The following RNF150 variants were observed in gnomAD, a reference collection of about 807,000 sequenced individuals.
The protein encoded by RNF150 is ring finger protein 150.
A neutral mutation model predicts 39.3 loss-of-function variants in RNF150; 24 were observed. The observed-to-expected ratio is 0.61, with a 90% CI of 0.44 to 0.86. The LOEUF is 0.86. Among genes scored for constraint, RNF150 ranks in the 40% least tolerant of loss-of-function variants. RNF150 has a pLI of 0.00. For missense variants in RNF150, 502 were observed against 587.8 expected, an observed-to-expected ratio of 0.85 and a Z score of 1.51; for synonymous variants, 255 against 227.3, an observed-to-expected ratio of 1.12 and a Z score of -1.10.
At chr4:141,072,191 A>T (rs4482847) in intron 1 of RNF150, among the ~76,000 whole-genome samples, 1 of 152,024 alleles carries the variant, frequency 6.6e-6, no homozygotes. Flanking sequence ...CAGCATCACA[A>T]GAACTATTGC....
chr4:140,967,958 A>C (rs1733316364), intron 1 of RNF150, 85 bp from the exon 2 acceptor site: 1 of 1,208,734 alleles, frequency 8.3e-7, no homozygotes, highest in Non-Finnish European at 1.2e-6. Context: ...ACACAGTAAC[A>C]CGAAACCAAA....
chr4:141,041,035 G>A (rs1221346084), intron 1 of RNF150, among the ~76,000 whole-genome samples: 2 of 151,960 alleles, frequency 1.3e-5, no homozygotes, highest in African/African-American at 4.8e-5. Flanking sequence ...ACTGTTATCT[G>A]AAGTATTTAC....
chr4:141,008,123 T>C lies in RNF150; in HGVS notation c.485-40250A>G, dbSNP rs114465289. Among the ~76,000 whole-genome samples the C allele has an allele frequency of 3.2e-3, 487 of 152,342 alleles. 2 individuals are homozygous for C. The highest frequency in any genetic ancestry group is 0.011 in the African/African-American group (469 of 41,578). ...CCTACTACCAAAAAAACATATTCTGTAGCTATCTGCTTTGGAGTCTCAGAT... is the reference window on the plus strand; with the variant it reads ...CCTACTACCAAAAAAACATATTCTGCAGCTATCTGCTTTGGAGTCTCAGAT... On this transcript the variant is annotated intron_variant, in intron 1 of 6. Coordinates refer to ENST00000515673, the MANE Select transcript of RNF150 (RefSeq NM_020724.2).
At chr4:141,061,979 A>G (rs4397081) in intron 1 of RNF150, among the ~76,000 whole-genome samples, 63,002 of 151,992 alleles carry the variant, frequency 0.41, 14,856 homozygotes, top group Non-Finnish European at 0.54. Flanking sequence ...AAATCTGATA[A>G]TTATGAGACA....
chr4:140,914,857 A>G (rs1730750280), intron 5 of RNF150, among the ~76,000 whole-genome samples: 1 of 152,250 alleles, frequency 6.6e-6, no homozygotes, highest in African/African-American at 2.4e-5. Flanking sequence ...CATTGTAGAG[A>G]AATCACTTAC....
rs948437557 is a variant in RNF150, at chr4:140,866,249, G to A, written c.*2012C>T. 7 of 152,226 alleles carry A rather than the reference G, an allele frequency of 4.6e-5. No homozygotes were observed. Among genetic ancestry groups the A allele is most frequent in the Non-Finnish European group, 1.0e-4 (7 of 68,044 alleles). 9.4% of individuals were successfully genotyped at this position (152,226 alleles called of 1,614,324 possible). A position where few individuals can be genotyped will look rare whatever the true frequency, so the allele number is the denominator to read the frequency against. ...AAGCTACGAAGCCTGATTGCCACAA[G>A]TCATAGCTATCTGCAAAAATGGATC... On this transcript the variant is annotated 3_prime_UTR_variant, in exon 7 of 7. Coordinates refer to ENST00000515673, the MANE Select transcript of RNF150 (RefSeq NM_020724.2).
chr4:141,040,984 T>C (rs571036869), intron 1 of RNF150, among the ~76,000 whole-genome samples: 88 of 152,254 alleles, frequency 5.8e-4, no homozygotes, highest in Middle Eastern at 3.4e-3. Flanking sequence ...TGAGAAAACT[T>C]TTAACTTTTA....
At chr4:141,166,435 C>T (rs1190806112) in intron 1 of RNF150, among the ~76,000 whole-genome samples, 1 of 152,190 alleles carries the variant, frequency 6.6e-6, no homozygotes, top group African/African-American at 2.4e-5. Flanking sequence ...AGGGACTCCT[C>T]CCTAACTCAT....
chr4:141,122,733 C>T (rs903936882), intron 1 of RNF150, among the ~76,000 whole-genome samples: 6 of 151,936 alleles, frequency 3.9e-5, no homozygotes, highest in Non-Finnish European at 7.4e-5. Flanking sequence ...AAAAACACAC[C>T]GGCAATATAT....
chr4:141,191,093 C>T (rs1189170972), intron 1 of RNF150, among the ~76,000 whole-genome samples: 1 of 152,170 alleles, frequency 6.6e-6, no homozygotes, highest in Non-Finnish European at 1.5e-5. Flanking sequence ...GAGATGGGTC[C>T]TTAAATCCAT....
chr4:140,898,919 T>C (rs1219601269), intron 6 of RNF150, among the ~76,000 whole-genome samples: 1 of 152,210 alleles, frequency 6.6e-6, no homozygotes, highest in Non-Finnish European at 1.5e-5. Context: ...TAAGTCTTAA[T>C]TTATAGAAAT....
chr4:141,084,913 A>C (rs1468890339), intron 1 of RNF150, among the ~76,000 whole-genome samples: 2 of 152,152 alleles, frequency 1.3e-5, no homozygotes, highest in Non-Finnish European at 2.9e-5. Flanking sequence ...GACTGAGCAG[A>C]ACTTTGTGAC....
At chr4:141,068,634 A>G (rs1221784355) in intron 1 of RNF150, among the ~76,000 whole-genome samples, 106 of 151,596 alleles carry the variant, frequency 7.0e-4, no homozygotes, top group Middle Eastern at 3.4e-3. Context: ...CATTGAATCT[A>G]TAAATTACCT....
chr4:141,119,051 G>A (rs1184113920), intron 1 of RNF150, among the ~76,000 whole-genome samples: 3 of 152,076 alleles, frequency 2.0e-5, no homozygotes, highest in Admixed American at 6.5e-5. Context: ...ATGAGGCACC[G>A]CACCCAGCCA....
At chr4:141,025,774 G>A (rs932153728) in intron 1 of RNF150, among the ~76,000 whole-genome samples, 1 of 151,986 alleles carries the variant, frequency 6.6e-6, no homozygotes, top group Non-Finnish European at 1.5e-5. Flanking sequence ...AAATTTTAAG[G>A]GTCAAATGAA....
intron 6 of RNF150, among the ~76,000 whole-genome samples, chr4:140,876,937 A>G (rs1374656015): frequency 6.6e-6 from 1 of 152,208 alleles, no homozygotes; most frequent in Admixed American, 6.5e-5. Flanking sequence ...AAATATATAC[A>G]TCTTGCGGTC....
intron 1 of RNF150, among the ~76,000 whole-genome samples, chr4:141,185,439 T>C (rs1727988453): frequency 6.6e-6 from 1 of 151,900 alleles, no homozygotes; most frequent in African/African-American, 2.4e-5. Flanking sequence ...GCTGAGACAA[T>C]GGGTTTTTCT....
At chr4:141,147,570 A>G (rs1424941440) in intron 1 of RNF150, among the ~76,000 whole-genome samples, 1 of 152,194 alleles carries the variant, frequency 6.6e-6, no homozygotes, top group Non-Finnish European at 1.5e-5. Flanking sequence ...GGCAGAGGGA[A>G]TGGATTTTGG....
At chr4:140,971,229 G>C (rs1733450531) in intron 1 of RNF150, among the ~76,000 whole-genome samples, 1 of 152,046 alleles carries the variant, frequency 6.6e-6, no homozygotes, top group African/African-American at 2.4e-5. Context: ...AAGTATACTA[G>C]GATATGCTTT....
Sources: allele counts gnomAD v4.1 joint callset (sites outside exome capture counted in the v4.1 genomes callset), GRCh38; gene constraint gnomAD v4.1.1; transcripts MANE v1.5; gene names NCBI Gene and HGNC (gene_info 2026-07-23, HGNC 2026-07-21).